The following SKP2 variants were observed in gnomAD, a reference collection of about 807,000 sequenced individuals.
SKP2 encodes S-phase kinase associated protein 2.
A neutral mutation model predicts 51.8 loss-of-function variants in SKP2; 16 were observed. The observed-to-expected ratio is 0.31, with a 90% CI of 0.21 to 0.47. The LOEUF (loss-of-function observed/expected upper bound fraction) is 0.47, where lower values mean the gene tolerates loss of function less well. Among genes scored for constraint, SKP2 ranks in the 20% least tolerant of loss-of-function variants. SKP2 has a pLI of 1.00. For synonymous variants in SKP2, 176 were observed against 198.6 expected (o/e 0.89, Z 0.96); for missense variants, 377 against 505.3 (o/e 0.75, Z 2.43).
chr5:36,161,090 A>C (rs1348207731), intron 2 of SKP2, among the ~76,000 whole-genome samples: 1 of 152,108 alleles, frequency 6.6e-6, no homozygotes, highest in Non-Finnish European at 1.5e-5. Context: ...ATCCTACTGT[A>C]GCCCATCAGG....
chr5:36,189,847 T>C (rs1012987204), intron 6 of SKP2, among the ~76,000 whole-genome samples: 9 of 152,196 alleles, frequency 5.9e-5, no homozygotes, highest in African/African-American at 2.4e-5. Flanking sequence ...GCATGCCTCC[T>C]TGAGCTGCAG....
chr5:36,153,218 ATATATATATAT>A (rs1744812124), intron 2 of SKP2, among the ~76,000 whole-genome samples, 176 bp downstream of exon 2: 1 of 2,886 alleles, frequency 3.5e-4, no homozygotes, highest in Admixed American at 2.1e-3. Flanking sequence ...TGGTAGATAT[ATATATATATAT>A]ATATATATAT....
At chr5:36,163,848 G>A in intron 3 of SKP2, 92 bp downstream of exon 3, 1 of 815,108 alleles carries the variant, frequency 1.2e-6, no homozygotes, top group Non-Finnish European at 2.1e-6. Flanking sequence ...TAAAAACCAA[G>A]AAAAATAGAG....
chr5:36,153,408 CT>C (rs1289567240), intron 2 of SKP2, among the ~76,000 whole-genome samples: 1 of 152,104 alleles, frequency 6.6e-6, no homozygotes, highest in Non-Finnish European at 1.5e-5. Flanking sequence ...CTTTGTACCC[CT>C]GAGTGATCTT....
intron 2 of SKP2, among the ~76,000 whole-genome samples, chr5:36,156,659 C>T (rs1344236584): frequency 6.6e-6 from 1 of 152,058 alleles, no homozygotes; most frequent in Non-Finnish European, 1.5e-5. Context: ...ATGCTTGTCC[C>T]CCACCCCACC....
At chr5:36,178,973 A>G (rs1745720152) in intron 9 of SKP2, among the ~76,000 whole-genome samples, 1 of 152,144 alleles carries the variant, frequency 6.6e-6, no homozygotes, top group Admixed American at 6.5e-5. Flanking sequence ...AGTTACAAAC[A>G]CGGGTCTGAA....
At chr5:36,181,546 T>C (rs1188037568) in intron 9 of SKP2, among the ~76,000 whole-genome samples, 1 of 152,166 alleles carries the variant, frequency 6.6e-6, no homozygotes, top group Non-Finnish European at 1.5e-5. Context: ...GAAGCAAATA[T>C]GGTTGGATTC....
At chr5:36,193,488 AAAAAAAAG>A (rs1746101819) in intron 7 of SKP2, 1 of 151,492 alleles carries the variant, frequency 6.6e-6, no homozygotes, top group African/African-American at 2.4e-5. Flanking sequence ...AAAAAAAAAA[AAAAAAAAG>A]AAGGTATTTT....
At position 36,171,876 on chromosome 5, in the gene SKP2, T is replaced by A. The variant is rs796255148; in HGVS notation, c.901+143T>A. On this transcript the variant is annotated intron_variant, in intron 7 of 9. Transcript: ENST00000274255. ...AGTCCCCTTTTTCAGATGAGGTAGC[T>A]GCTAATCAGAATGGTTAGGTAAAGG... 679 of 774,510 alleles carry A rather than the reference T, an allele frequency of 8.8e-4. 4 individuals are homozygous for A. Among genetic ancestry groups the A allele is most frequent in the Non-Finnish European group, 4.5e-4 (221 of 495,684 alleles). 48.0% of individuals were successfully genotyped at this position (774,510 alleles called of 1,614,324 possible). A position where few individuals can be genotyped will look rare whatever the true frequency, so the allele number is the denominator to read the frequency against.
intron 2 of SKP2, among the ~76,000 whole-genome samples, chr5:36,160,059 C>G (rs949029877): frequency 6.6e-6 from 1 of 152,218 alleles, no homozygotes; most frequent in African/African-American, 2.4e-5. Context: ...TTACTCTTCA[C>G]TGAACAATTT....
Position 36,170,384 on chromosome 5 carries a change from T to G in SKP2, c.712T>G (p.Ser238Ala). Residue 238 changes from serine to alanine, a missense_variant, in exon 6 of 10, where the codon TCT becomes GCT. Physicochemically the swap from Ser to Ala is moderately conservative, Grantham distance 99. This residue lies in a region of SKP2 where 262 missense variants were observed against 389.8 expected (regional missense o/e 0.67). Transcript: ENST00000274255. ...CTCAAATTTAGTGCGACTTAACCTT[T>G]CTGGGTGTTCTGGATTCTCTGAATT... The part of the protein sequence containing the change: ...KNSNLVRLNL[S>A]GCSGFSEFAL... 6.2e-7 allele frequency: 1 copy of G among 1,613,470 alleles called. No individual in the cohort carries two copies. The highest frequency in any genetic ancestry group is 8.5e-7 in the Non-Finnish European group (1 of 1,179,638).
intron 9 of SKP2, among the ~76,000 whole-genome samples, chr5:36,179,994 A>C (rs1472168152): frequency 1.3e-5 from 2 of 150,682 alleles, no homozygotes; most frequent in East Asian, 3.9e-4. Context: ...CCATCATCTT[A>C]TCTTATATAA....
chr5:36,155,469 G>T (rs1198030562), intron 2 of SKP2, among the ~76,000 whole-genome samples: 2 of 152,122 alleles, frequency 1.3e-5, no homozygotes, highest in Admixed American at 1.3e-4. Context: ...CACTTCACAG[G>T]TCGTCGTGAA....
chr5:36,170,580 G>C (rs918721398), intron 6 of SKP2, 138 bp downstream of exon 6: 1 of 543,772 alleles, frequency 1.8e-6, no homozygotes. Context: ...AAAATCTTTT[G>C]CCCTCCTAAC....
At chr5:36,153,282 C>A (rs1017389313) in intron 2 of SKP2, among the ~76,000 whole-genome samples, 3 of 151,380 alleles carry the variant, frequency 2.0e-5, no homozygotes, top group Non-Finnish European at 4.4e-5. Flanking sequence ...AATTTTAACC[C>A]ATGAGAAGAC....
At chr5:36,190,437 A>G (rs1474679399) in intron 6 of SKP2, among the ~76,000 whole-genome samples, 1 of 133,906 alleles carries the variant, frequency 7.5e-6, no homozygotes, top group African/African-American at 2.9e-5. Flanking sequence ...CAAGTGACAA[A>G]GGAGTATTAT....
chr5:36,183,710 A>T lies in SKP2; in HGVS notation c.*1679A>T. The T allele has an allele frequency of 7.6e-7, 1 of 1,313,364 alleles. No individual in the cohort carries two copies. The allele number at this position is 1,313,364 out of a possible 1,614,324, so 81.4% of individuals were successfully genotyped here. Reference sequence around the variant, plus strand: ...ATCAAAAATTGTTAATGTTAGAAACATACTATGAAGTGCCTTTATCTGCTT... The same window carrying T: ...ATCAAAAATTGTTAATGTTAGAAACTTACTATGAAGTGCCTTTATCTGCTT... On this transcript the variant is annotated 3_prime_UTR_variant, in exon 10 of 10. Transcript: ENST00000274255.
At chr5:36,185,916 T>C (rs1197839999), downstream of SKP2, among the ~76,000 whole-genome samples, 2 of 152,222 alleles carry the variant, frequency 1.3e-5, no homozygotes, top group Non-Finnish European at 2.9e-5. Context: ...GTTTGTGTCC[T>C]CTTTTATTTT....
At chr5:36,161,530 T>C (rs1010222486) in intron 2 of SKP2, among the ~76,000 whole-genome samples, 5 of 152,170 alleles carry the variant, frequency 3.3e-5, no homozygotes, top group African/African-American at 1.2e-4. Context: ...GAATTACAGG[T>C]AGCTCCAAAT....
Sources: gnomAD v4.1 joint callset for allele counts (sites outside exome capture counted in the v4.1 genomes callset) on GRCh38, gnomAD v4.1.1 for gene constraint, gnomAD v4.1.1 regional missense constraint, MANE v1.5 for transcripts, NCBI Gene and HGNC (gene_info 2026-07-23, HGNC 2026-07-21) for gene names.